The following BLM variants were observed in gnomAD, a reference collection of about 807,000 sequenced individuals.
The protein encoded by BLM is BLM RecQ like helicase, also known as recQ-like DNA helicase BLM.
A neutral mutation model predicts 135.3 loss-of-function variants in BLM; 95 were observed. The observed-to-expected ratio is 0.70, with a 90% CI of 0.59 to 0.83. The LOEUF is 0.83. BLM is among the 40% of genes least tolerant of loss of function. The probability of loss-of-function intolerance (pLI) is 0.00; values close to 1 mark genes in which losing one functional copy is unlikely to be tolerated. For synonymous variants in BLM, 520 were observed against 589.2 expected (o/e 0.88, Z 1.70); for missense variants, 1,518 against 1,663.9 (o/e 0.91, Z 1.53).
chr15:90,756,661 C>T (rs989749339), intron 5 of BLM, among the ~76,000 whole-genome samples: 1 of 152,218 alleles, frequency 6.6e-6, no homozygotes, highest in Non-Finnish European at 1.5e-5. Flanking sequence ...TCCCTCTTGG[C>T]TTACAACAGT....
intron 5 of BLM, among the ~76,000 whole-genome samples, chr15:90,756,316 G>C (rs918624386): frequency 6.6e-6 from 1 of 152,120 alleles, no homozygotes; most frequent in African/African-American, 2.4e-5. Context: ...TTTTAGCCAG[G>C]ATGGTCTTGA....
chr15:90,769,835 C>T (rs1896256324), intron 12 of BLM, among the ~76,000 whole-genome samples: 1 of 152,132 alleles, frequency 6.6e-6, no homozygotes, highest in Non-Finnish European at 1.5e-5. Context: ...CTTTTCTTCA[C>T]TTACTGAAAT....
chr15:90,732,965 C>T (rs1314429643), intron 1 of BLM, among the ~76,000 whole-genome samples: 1 of 152,094 alleles, frequency 6.6e-6, no homozygotes, highest in African/African-American at 2.4e-5. Flanking sequence ...TGGTGGCATG[C>T]ACCTGTAATC....
chr15:90,718,647 AGAAAT>A (rs1894675301), intron 1 of BLM, among the ~76,000 whole-genome samples: 1 of 152,234 alleles, frequency 6.6e-6, no homozygotes, highest in African/African-American at 2.4e-5. Flanking sequence ...TCTACTGGGA[AGAAAT>A]GAAATTTCTG....
intron 17 of BLM, 135 bp downstream of exon 17, chr15:90,798,472 A>G (rs1219545455): frequency 3.5e-6 from 3 of 863,882 alleles, no homozygotes; most frequent in Non-Finnish European, 3.5e-6. Flanking sequence ...CTTTTAAGTA[A>G]CAAAAGAAAG....
intron 19 of BLM, chr15:90,808,932 G>T: frequency 1.5e-6 from 1 of 660,668 alleles, no homozygotes. Context: ...TATGCCGCTG[G>T]AATTGGATGG....
At chr15:90,787,862 A>G (rs1896792736) in intron 14 of BLM, among the ~76,000 whole-genome samples, 1 of 152,152 alleles carries the variant, frequency 6.6e-6, no homozygotes, top group South Asian at 2.1e-4. Context: ...AGGCAGGGGA[A>G]TCACTTGAAC....
chr15:90,745,664 G>C (rs1214584910), intron 1 of BLM, among the ~76,000 whole-genome samples: 1 of 152,146 alleles, frequency 6.6e-6, no homozygotes, highest in African/African-American at 2.4e-5. Context: ...GCTCACCTCA[G>C]CCTCCTAAAG....
In BLM at chr15:90,790,819, G is replaced by A. The variant is rs1596257300; in HGVS notation, c.2994G>A (p.Val998=). The A allele has an allele frequency of 3.1e-6, 5 of 1,614,088 alleles. No individual in the cohort carries two copies. The highest frequency in any genetic ancestry group is 4.2e-6 in the Non-Finnish European group (5 of 1,179,996). The change falls in exon 15 of 22, where the codon GTG becomes GTA. Residue 998 remains valine (V), a synonymous_variant. Coordinates refer to ENST00000355112, the MANE Select transcript of BLM (RefSeq NM_000057.4). The stretch of plus-strand genomic sequence containing the variant: ...TGCTTTTCTATACCTATCATGATGT[G>A]ACCAGACTGAAAAGACTTATAATGA... ...HCLLFYTYHD[V]TRLKRLIMME... is the part of the protein sequence containing the mutation.
chr15:90,722,903 C>T (rs745960153), intron 1 of BLM, among the ~76,000 whole-genome samples: 44 of 152,198 alleles, frequency 2.9e-4, no homozygotes, highest in Non-Finnish European at 6.2e-4. Flanking sequence ...TGCAGTGGCG[C>T]GATCTCGGCT....
rs1057517154 is a variant in BLM at position 90,804,274 on chromosome 15, T to TA, written c.3667dup (p.Thr1223AsnfsTer20). ...TGGTTAAAAAATGTCTTGGAGAACT[T>TA]ACAGAAGTCTGCAAATCTCTGGGGA... On this transcript the variant is annotated frameshift_variant, in exon 19 of 22. Transcript: ENST00000355112. LOFTEE classifies it high-confidence loss of function. The TA allele has an allele frequency of 1.2e-6, 2 of 1,613,994 alleles. No individual in the cohort carries two copies. The highest frequency in any genetic ancestry group is 1.7e-6 in the Non-Finnish European group (2 of 1,179,956).
intron 14 of BLM, among the ~76,000 whole-genome samples, chr15:90,785,825 G>A (rs1284124747): frequency 2.0e-5 from 3 of 151,694 alleles, no homozygotes; most frequent in Admixed American, 6.6e-5. Context: ...GAGCCACCTC[G>A]CCTGGCCTGT....
At chr15:90,781,598 C>T (rs1326831833) in intron 12 of BLM, among the ~76,000 whole-genome samples, 2 of 152,128 alleles carry the variant, frequency 1.3e-5, no homozygotes, top group Non-Finnish European at 2.9e-5. Flanking sequence ...TGCACTCCAG[C>T]CTGGGTGACA....
chr15:90,784,804 A>G (rs992051146), intron 13 of BLM, 117 bp from the exon 14 acceptor site: 2 of 1,091,594 alleles, frequency 1.8e-6, no homozygotes, highest in African/African-American at 3.1e-5. Context: ...TTCCAGCAGT[A>G]TAAGAACACT....
intron 1 of BLM, among the ~76,000 whole-genome samples, chr15:90,740,754 G>A (rs1895342012): frequency 6.6e-6 from 1 of 152,094 alleles, no homozygotes; most frequent in South Asian, 2.1e-4. Flanking sequence ...GTTCTTGTGA[G>A]AGTGAATAAG....
intron 19 of BLM, among the ~76,000 whole-genome samples, chr15:90,807,569 T>C (rs1897312368): frequency 6.6e-6 from 1 of 151,982 alleles, no homozygotes; most frequent in Non-Finnish European, 1.5e-5. Context: ...TTGGCTAGCT[T>C]TTTTATTTTT....
Position 90,742,810 on chromosome 15 carries a change from G to GT in BLM, c.-4-4572dup, listed in dbSNP as rs559787703. Among the ~76,000 whole-genome samples the GT allele has an allele frequency of 1.5e-4, 23 of 151,310 alleles. No individual in the cohort carries two copies. In the South Asian group the frequency reaches 3.1e-3, roughly 21 times the overall value. On this transcript the variant is annotated intron_variant, in intron 1 of 21. Coordinates refer to ENST00000355112, the MANE Select transcript of BLM (RefSeq NM_000057.4). ...GCCACCTCACTCAGCTAATTTTTGT[G>GT]TTTTTTTGTAGAGACAGGTCGTACT...
chr15:90,788,827 G>A (rs563243688), intron 14 of BLM, among the ~76,000 whole-genome samples: 2 of 151,808 alleles, frequency 1.3e-5, no homozygotes, highest in African/African-American at 4.8e-5. Context: ...ACAAAAATTA[G>A]CCTGGCATGC....
chr15:90,814,692 G>A (rs1897510385), intron 21 of BLM, among the ~76,000 whole-genome samples: 2 of 152,202 alleles, frequency 1.3e-5, no homozygotes, highest in Non-Finnish European at 2.9e-5. Context: ...ATTCCGGGGT[G>A]CCTGTCAGCA....
Sources: gnomAD v4.1 joint callset for allele counts (sites outside exome capture counted in the v4.1 genomes callset) on GRCh38, gnomAD v4.1.1 for gene constraint, MANE v1.5 for transcripts, NCBI Gene and HGNC (gene_info 2026-07-23, HGNC 2026-07-21) for gene names.